GRIP2: variants seen among roughly 807,000 people sequenced by gnomAD.
The protein encoded by GRIP2 is glutamate receptor interacting protein 2.
In GRIP2, 58 loss-of-function variants were observed where a neutral mutation model predicts 108.3. The ratio of observed to expected loss-of-function variants is 0.54; its 90% CI spans 0.43 to 0.67. The LOEUF (loss-of-function observed/expected upper bound fraction) is 0.67. Ranked by LOEUF, GRIP2 falls within the 30% of genes least tolerant of loss-of-function variation. The pLI is 0.00. For synonymous variants in GRIP2, 586 were observed against 598.2 expected (o/e 0.98, Z 0.30); for missense variants, 1,278 against 1,430.6 (o/e 0.89, Z 1.72).
At chr3:14,509,521 T>TG (rs1254340580) in intron 17 of GRIP2, among the ~76,000 whole-genome samples, 3 of 152,224 alleles carry the variant, frequency 2.0e-5, no homozygotes, top group African/African-American at 7.2e-5. Flanking sequence ...CAAATAGCCT[T>TG]GCAGGGCTGA....
At chr3:14,592,427 G>C in the GRIP2 span, among the ~76,000 whole-genome samples, 2 of 152,196 alleles carry the variant, frequency 1.3e-5, no homozygotes, top group Non-Finnish European at 2.9e-5. Flanking sequence ...AGGAGTCGGG[G>C]AAAGAAAGAG....
At chr3:14,561,851 C>T in the GRIP2 span, among the ~76,000 whole-genome samples, 2 of 152,214 alleles carry the variant, frequency 1.3e-5, no homozygotes, top group Non-Finnish European at 2.9e-5. Context: ...ACCCTCTTGA[C>T]CGTTTATCCA....
intron 22 of GRIP2, 109 bp from the exon 23 acceptor site, chr3:14,495,098 C>A (rs1010845153): frequency 7.2e-7 from 1 of 1,390,550 alleles, no homozygotes; most frequent in African/African-American, 1.4e-5. Flanking sequence ...GCCAGCCACA[C>A]CCCCCAGGCT....
At position 14,514,457 on chromosome 3, in the gene GRIP2, A is replaced by T. The variant is rs909177695; in HGVS notation, c.1328T>A (p.Val443Glu). ...GTGCACAATCTGCCCGCCCGGCCCC[A>T]CCGTGCTGGAGGCTAGCGACACTGT... ...KSSLSLASST[V>E]GPGGQIVHTE... Residue 443 changes from valine to glutamate, a missense_variant, in exon 12 of 24, where the codon GTG becomes GAG. Transcript: ENST00000621039. The T allele has an allele frequency of 4.4e-6, 7 of 1,575,938 alleles. No individual in the cohort carries two copies. In the African/African-American group the frequency reaches 9.4e-5, roughly 21 times the overall value.
chr3:14,580,853 T>A, the GRIP2 span, among the ~76,000 whole-genome samples: 1 of 152,314 alleles, frequency 6.6e-6, no homozygotes, highest in South Asian at 2.1e-4. Flanking sequence ...TAAAGCATTT[T>A]ACCCTCCACA....
In GRIP2 at chr3:14,520,168, C is replaced by T; in HGVS notation, c.972G>A (p.Val324=). The change falls in exon 9 of 24, where the codon GTG becomes GTA. Residue 324 remains valine, a synonymous_variant. Coordinates refer to ENST00000621039, the MANE Select transcript of GRIP2 (RefSeq NM_001080423.4). ...GGGGCACAGGCAGGATCTCCAGCCGCACCTTCTCTGAAATGCTGGCCAGGA... is the reference window on the plus strand; with the variant it reads ...GGGGCACAGGCAGGATCTCCAGCCGTACCTTCTCTGAAATGCTGGCCAGGA... The part of the protein sequence containing the change: ...TKLLASISEK[V]RLEILPVPQS... 6.2e-7 allele frequency: 1 copy of T among 1,612,364 alleles called. No homozygotes were observed. Among genetic ancestry groups the T allele is most frequent in the South Asian group, 1.1e-5 (1 of 90,518 alleles).
At chr3:14,574,320 C>T in the GRIP2 span, 1 of 1,012,154 alleles carries the variant, frequency 9.9e-7, no homozygotes, top group Non-Finnish European at 1.5e-6. Context: ...CCGCTTCTCC[C>T]GGGCGAAGAG....
At chr3:14,504,008 T>C in intron 20 of GRIP2, 1 of 319,002 alleles carries the variant, frequency 3.1e-6, no homozygotes, top group Non-Finnish European at 5.9e-6. Flanking sequence ...AGATCCATGG[T>C]GTAGTCCCAG....
the GRIP2 span, among the ~76,000 whole-genome samples, chr3:14,563,948 T>C: frequency 6.6e-6 from 1 of 151,916 alleles, no homozygotes; most frequent in Non-Finnish European, 1.5e-5. Context: ...AGAGGAAGGA[T>C]TTCCAATAAA....
At chr3:14,498,708 T>C (rs1045691528) in intron 21 of GRIP2, among the ~76,000 whole-genome samples, 1 of 152,074 alleles carries the variant, frequency 6.6e-6, no homozygotes, top group Non-Finnish European at 1.5e-5. Context: ...ACCCCTAAAA[T>C]TGTAGAATTC....
At chr3:14,533,936 T>C (rs7618262) in intron 1 of GRIP2, among the ~76,000 whole-genome samples, 30,657 of 152,098 alleles carry the variant, frequency 0.2, 3,259 homozygotes, top group African/African-American at 0.26. Context: ...AAAGAGTCAG[T>C]GGGCAGCAGG....
Position 14,517,046 on chromosome 3 carries a change from G to A in GRIP2, c.1306+18C>T, listed in dbSNP as rs1473089477. 7 of 1,513,640 alleles carry A rather than the reference G, an allele frequency of 4.6e-6. No homozygotes were observed. The highest frequency in any genetic ancestry group is 1.4e-5 in the African/African-American group (1 of 71,298). 93.8% of individuals were successfully genotyped at this position (1,513,640 alleles called of 1,614,324 possible). On this transcript the variant is annotated intron_variant, in intron 11 of 23. Coordinates refer to ENST00000621039, the MANE Select transcript of GRIP2 (RefSeq NM_001080423.4). ...ACATACAAGCAGCCCAAGGAGGAGG[G>A]AAGAGACCACAGCTTACACGAGCTC...
At chr3:14,517,494 CTTTTT>C (rs146509076) in intron 10 of GRIP2, among the ~76,000 whole-genome samples, 9,647 of 107,722 alleles carry the variant, frequency 0.09, 959 homozygotes, top group African/African-American at 0.17. Flanking sequence ...ATCTCTCTCT[CTTTTT>C]TTTTTTTTTT....
At chr3:14,601,551 G>C in the GRIP2 span, among the ~76,000 whole-genome samples, 1 of 152,212 alleles carries the variant, frequency 6.6e-6, no homozygotes, top group African/African-American at 2.4e-5. Context: ...TGGAGGGTCT[G>C]CTCCCTCGCT....
At chr3:14,549,670 C>T (rs556705420) in intron 1 of GRIP2, among the ~76,000 whole-genome samples, 1 of 152,160 alleles carries the variant, frequency 6.6e-6, no homozygotes, top group Non-Finnish European at 1.5e-5. Context: ...ATGACAATCC[C>T]GGCTGGCCCC....
At chr3:14,590,405 G>A in the GRIP2 span, among the ~76,000 whole-genome samples, 1 of 152,066 alleles carries the variant, frequency 6.6e-6, no homozygotes, top group South Asian at 2.1e-4. Context: ...GATTTCTTTT[G>A]TTATACAAAA....
At chr3:14,550,865 G>C (rs910350645) in intron 1 of GRIP2, among the ~76,000 whole-genome samples, 2 of 152,186 alleles carry the variant, frequency 1.3e-5, no homozygotes, top group Admixed American at 6.5e-5. Context: ...AGGGACCCCA[G>C]CACCCCTAAT....
the GRIP2 span, among the ~76,000 whole-genome samples, chr3:14,580,708 A>G: frequency 1.3e-5 from 2 of 152,202 alleles, no homozygotes; most frequent in African/African-American, 4.8e-5. Context: ...TCTCAAAAAC[A>G]AAAGAAACAA....
intron 11 of GRIP2, 84 bp from the exon 12 acceptor site, chr3:14,514,562 G>T (rs892126216): frequency 2.2e-6 from 3 of 1,383,414 alleles, no homozygotes; most frequent in African/African-American, 2.9e-5. Context: ...GGGGCCCTAG[G>T]CACTGGAGCC....
Sources: allele counts gnomAD v4.1 joint callset (sites outside exome capture counted in the v4.1 genomes callset), GRCh38; gene constraint gnomAD v4.1.1; transcripts MANE v1.5; gene names NCBI Gene and HGNC (gene_info 2026-07-23, HGNC 2026-07-21).